DKK2: variants seen among roughly 807,000 people sequenced by gnomAD.
The protein encoded by DKK2 is dickkopf Wnt signaling pathway inhibitor 2.
DKK2 carries 11 observed loss-of-function variants against 28.1 expected under a neutral mutation model. The ratio of observed to expected loss-of-function variants is 0.39; its 90% CI spans 0.25 to 0.65. The LOEUF is 0.65. Among genes scored for constraint, DKK2 ranks in the 30% least tolerant of loss-of-function variants. DKK2 has a pLI of 0.47. For missense variants in DKK2, 326 were observed against 335.5 expected (o/e 0.97, Z 0.22); for synonymous variants, 135 against 126.5 (o/e 1.07, Z -0.45).
intron 1 of DKK2, among the ~76,000 whole-genome samples, chr4:106,988,236 G>A (rs956544281): frequency 2.6e-5 from 4 of 152,198 alleles, no homozygotes; most frequent in African/African-American, 9.6e-5. Flanking sequence ...CCACAGTCAC[G>A]TGGTTTTTAG....
At chr4:106,925,208 G>A (rs1214378676) in intron 2 of DKK2, among the ~76,000 whole-genome samples, 2 of 148,716 alleles carry the variant, frequency 1.3e-5, no homozygotes, top group Non-Finnish European at 2.9e-5. Flanking sequence ...TGATTATGTT[G>A]TTTTATATGA....
At chr4:107,004,230 C>T (rs1723404469) in intron 1 of DKK2, among the ~76,000 whole-genome samples, 1 of 152,202 alleles carries the variant, frequency 6.6e-6, no homozygotes, top group African/African-American at 2.4e-5. Context: ...GTGGGCATCT[C>T]ACTTGACCTG....
At chr4:106,939,627 C>T (rs934957141) in intron 1 of DKK2, among the ~76,000 whole-genome samples, 1 of 152,100 alleles carries the variant, frequency 6.6e-6, no homozygotes. Flanking sequence ...TCGTATGGAA[C>T]CAAAAAAGAG....
At chr4:106,954,084 A>G (rs1338797362) in intron 1 of DKK2, among the ~76,000 whole-genome samples, 3 of 152,188 alleles carry the variant, frequency 2.0e-5, no homozygotes, top group African/African-American at 4.8e-5. Flanking sequence ...TTAAAGTATG[A>G]AATATTTTTA....
intron 1 of DKK2, among the ~76,000 whole-genome samples, chr4:106,975,273 G>C (rs974524857): frequency 4.6e-5 from 7 of 152,150 alleles, no homozygotes; most frequent in Non-Finnish European, 1.0e-4. Context: ...AGTTAGTGAG[G>C]ATTTCCTGTT....
intron 1 of DKK2, among the ~76,000 whole-genome samples, chr4:106,971,080 T>C (rs1165602896): frequency 6.6e-6 from 1 of 152,148 alleles, no homozygotes; most frequent in Non-Finnish European, 1.5e-5. Flanking sequence ...CTGAATTTTG[T>C]CACAGTGTGC....
intron 1 of DKK2, among the ~76,000 whole-genome samples, chr4:106,934,236 T>G (rs1290341434): frequency 6.6e-6 from 1 of 152,148 alleles, no homozygotes; most frequent in Admixed American, 6.5e-5. Context: ...TTTAAACATT[T>G]TGTAATCTGC....
At chr4:106,946,781 G>A (rs1002049898) in intron 1 of DKK2, among the ~76,000 whole-genome samples, 7 of 151,898 alleles carry the variant, frequency 4.6e-5, no homozygotes, top group Admixed American at 2.6e-4. Flanking sequence ...GCTTCCACAA[G>A]CTGGATGGTT....
intron 1 of DKK2, among the ~76,000 whole-genome samples, chr4:106,950,502 A>T (rs1177090388): frequency 7.6e-5 from 11 of 144,874 alleles, no homozygotes; most frequent in Admixed American, 7.4e-4. Context: ...GCTGAAAACT[A>T]TCTACTGGTT....
At chr4:106,977,092 T>C (rs913854511) in intron 1 of DKK2, among the ~76,000 whole-genome samples, 60 of 152,334 alleles carry the variant, frequency 3.9e-4, no homozygotes, top group South Asian at 4.1e-4. Flanking sequence ...CTTGTAGGGT[T>C]TCTGCAGAGA....
At chr4:106,950,318 T>C (rs948463610) in intron 1 of DKK2, among the ~76,000 whole-genome samples, 14 of 152,120 alleles carry the variant, frequency 9.2e-5, no homozygotes, top group African/African-American at 3.4e-4. Context: ...ATTTGGTCAG[T>C]TCTATCTTCA....
intron 1 of DKK2, among the ~76,000 whole-genome samples, chr4:107,006,953 T>C (rs1723445819): frequency 6.6e-6 from 1 of 152,042 alleles, no homozygotes; most frequent in African/African-American, 2.4e-5. Flanking sequence ...ACAACAAACA[T>C]GTCGAACATC....
At chr4:106,988,420 T>C (rs1190466930) in intron 1 of DKK2, among the ~76,000 whole-genome samples, 4 of 152,234 alleles carry the variant, frequency 2.6e-5, no homozygotes, top group South Asian at 2.1e-4. Flanking sequence ...GAATGATTTA[T>C]TGCTTTGTTA....
chr4:106,982,273 A>G (rs1250086331), intron 1 of DKK2, among the ~76,000 whole-genome samples: 1 of 152,180 alleles, frequency 6.6e-6, no homozygotes, highest in African/African-American at 2.4e-5. Flanking sequence ...AGTATGTGTA[A>G]GAAGGAAGGA....
rs183676456 is a variant in DKK2 at position 107,023,040 on chromosome 4, A to C, written c.222+12330T>G. ...GTCCAAGTAGATGTAACCCCTGGGA[A>C]GGTGGATATATAGAACTTTTACTGA... On this transcript the variant is annotated intron_variant, in intron 1 of 3. Coordinates refer to ENST00000285311, the MANE Select transcript of DKK2 (RefSeq NM_014421.3). Among the ~76,000 whole-genome samples the C allele has an allele frequency of 4.9e-4, 74 of 152,238 alleles. 1 individual carries two copies. Among genetic ancestry groups the C allele is most frequent in the African/African-American group, 1.8e-3 (74 of 41,558 alleles).
intron 1 of DKK2, among the ~76,000 whole-genome samples, chr4:107,018,434 C>T (rs547467209): frequency 6.6e-6 from 1 of 151,960 alleles, no homozygotes; most frequent in Non-Finnish European, 1.5e-5. Flanking sequence ...ACATCCCTAG[C>T]CTTTCTCTTA....
chr4:107,016,893 G>A lies in DKK2; in HGVS notation c.222+18477C>T, dbSNP rs111496355. Among the ~76,000 whole-genome samples the A allele has an allele frequency of 9.3e-3, 1,414 of 152,008 alleles. 23 individuals are homozygous for A. The highest frequency in any genetic ancestry group is 0.032 in the African/African-American group (1,336 of 41,494). ...AAATATTTAGTAGTGGAAATGTTAA[G>A]TAGGCACTTGAATATATAAATGTGT... On this transcript the variant is annotated intron_variant, in intron 1 of 3. Transcript: ENST00000285311.
At chr4:106,942,561 A>T (rs1041450649) in intron 1 of DKK2, among the ~76,000 whole-genome samples, 1 of 152,102 alleles carries the variant, frequency 6.6e-6, no homozygotes, top group African/African-American at 2.4e-5. Context: ...GGCTTCAAAA[A>T]GTGAGCTGGG....
In DKK2 at chr4:106,922,426, G is replaced by T. The variant is rs999763898; in HGVS notation, c.*1528C>A. 2 of 152,184 alleles carry T rather than the reference G, an allele frequency of 1.3e-5. No individual in the cohort carries two copies. The highest frequency in any genetic ancestry group is 2.1e-4 in the South Asian group (1 of 4,830). 9.4% of individuals were successfully genotyped at this position (152,184 alleles called of 1,614,324 possible). The stretch of plus-strand genomic sequence containing the variant: ...AAAAAAGTAGTAAAGTGGTTTCAAA[G>T]AATTTAGAAACTGTGGTGTCTATAG... On this transcript the variant is annotated 3_prime_UTR_variant, in exon 4 of 4. Coordinates refer to ENST00000285311, the MANE Select transcript of DKK2 (RefSeq NM_014421.3).
Sources: gnomAD v4.1 joint callset for allele counts (sites outside exome capture counted in the v4.1 genomes callset) on GRCh38, gnomAD v4.1.1 for gene constraint, MANE v1.5 for transcripts, NCBI Gene and HGNC (gene_info 2026-07-23, HGNC 2026-07-21) for gene names.